The following SLC35F3 variants were observed in gnomAD, a reference collection of about 807,000 sequenced individuals.
SLC35F3 encodes the protein putative thiamine transporter SLC35F3.
Under a neutral mutation model 49.9 loss-of-function variants are expected in SLC35F3, and 25 were observed. The observed-to-expected ratio is 0.50, with a 90% CI of 0.37 to 0.70. The LOEUF (loss-of-function observed/expected upper bound fraction) is 0.70, where lower values mean the gene tolerates loss of function less well. Ranked by LOEUF, SLC35F3 falls within the 30% of genes least tolerant of loss-of-function variation. SLC35F3 has a pLI of 0.00. For missense variants in SLC35F3, 525 were observed against 639.8 expected, an observed-to-expected ratio of 0.82 and a Z score of 1.94; for synonymous variants, 275 against 265.4, an observed-to-expected ratio of 1.04 and a Z score of -0.35.
chr1:233,955,492 C>T (rs145166114), intron 2 of SLC35F3, among the ~76,000 whole-genome samples: 56 of 152,260 alleles, frequency 3.7e-4, no homozygotes, highest in African/African-American at 1.1e-3. Context: ...GTGGACACTT[C>T]GGTTGCTCCT....
intron 2 of SLC35F3, among the ~76,000 whole-genome samples, chr1:233,919,943 C>A (rs1350369504): frequency 6.6e-6 from 1 of 152,124 alleles, no homozygotes; most frequent in East Asian, 1.9e-4. Context: ...CGGCCTCAGA[C>A]CACTGAGGAT....
chr1:234,008,524 C>T (rs1663665397), intron 2 of SLC35F3, among the ~76,000 whole-genome samples: 1 of 152,158 alleles, frequency 6.6e-6, no homozygotes, highest in African/African-American at 2.4e-5. Context: ...GACTGCTATA[C>T]AGTCTCCTTT....
At chr1:233,982,876 G>A (rs1663208235) in intron 2 of SLC35F3, among the ~76,000 whole-genome samples, 1 of 152,196 alleles carries the variant, frequency 6.6e-6, no homozygotes. Flanking sequence ...TTCTGAGGGA[G>A]AACTGTGGGT....
Position 234,320,127 on chromosome 1 carries a change from G to T in SLC35F3, c.1177G>T (p.Ala393Ser). The change falls in exon 7 of 8, where the codon GCC becomes TCC. Residue 393 changes from alanine to serine, a missense_variant. This residue lies in a region of SLC35F3 where 216 missense variants were observed against 298.1 expected (regional missense o/e 0.72). Transcript: ENST00000366618. The surrounding 1 kb of genome is among the most constrained non-coding windows in gnomAD (Gnocchi z 4.8). ...TFNIVLNFGI[A>S]VTYPTLMSLG... Reference sequence around the variant, plus strand: ...CAATATTGTATTAAATTTTGGAATTGCCGTTACATATCCCACTCTGATGTC... The same window carrying T: ...CAATATTGTATTAAATTTTGGAATTTCCGTTACATATCCCACTCTGATGTC... 1 of 1,613,272 alleles carries T rather than the reference G, an allele frequency of 6.2e-7. No individual in the cohort carries two copies. Among genetic ancestry groups the T allele is most frequent in the Non-Finnish European group, 8.5e-7 (1 of 1,179,256 alleles).
At chr1:234,297,239 T>C (rs1668617695) in intron 3 of SLC35F3, among the ~76,000 whole-genome samples, 1 of 152,316 alleles carries the variant, frequency 6.6e-6, no homozygotes, top group East Asian at 1.9e-4. Flanking sequence ...GAAAACAGTA[T>C]GGAGATACCT....
intron 2 of SLC35F3, among the ~76,000 whole-genome samples, chr1:234,183,127 A>C (rs1666586966): frequency 7.0e-6 from 1 of 142,794 alleles, no homozygotes; most frequent in African/African-American, 2.4e-5. Flanking sequence ...AGCAATTCTC[A>C]TGCCTCAGCC....
At chr1:234,006,233 A>C (rs1197829119) in intron 2 of SLC35F3, among the ~76,000 whole-genome samples, 1 of 152,210 alleles carries the variant, frequency 6.6e-6, no homozygotes, top group Non-Finnish European at 1.5e-5. Context: ...ATAAATGGCT[A>C]GTTCATATTT....
intron 2 of SLC35F3, among the ~76,000 whole-genome samples, chr1:234,192,730 A>C (rs1666749553): frequency 7.6e-6 from 1 of 132,390 alleles, no homozygotes; most frequent in Non-Finnish European, 1.5e-5. Context: ...AGAACTGTTA[A>C]ATAAATTCAG....
chr1:234,020,346 A>G (rs966933430), intron 2 of SLC35F3, among the ~76,000 whole-genome samples: 2 of 152,186 alleles, frequency 1.3e-5, no homozygotes, highest in African/African-American at 4.8e-5. Flanking sequence ...TATTTCTGTC[A>G]TAACAAAATT....
At chr1:234,307,944 C>T (rs1216423393) in intron 3 of SLC35F3, among the ~76,000 whole-genome samples, 4 of 152,210 alleles carry the variant, frequency 2.6e-5, no homozygotes, top group Non-Finnish European at 1.5e-5. Context: ...GAGCTCCCCA[C>T]GGCCTCCTCT....
chr1:234,182,336 G>A (rs1254700858), intron 2 of SLC35F3, among the ~76,000 whole-genome samples: 1 of 152,142 alleles, frequency 6.6e-6, no homozygotes, highest in Non-Finnish European at 1.5e-5. Flanking sequence ...ACATGTTCTG[G>A]AATCCATCTT....
intron 2 of SLC35F3, among the ~76,000 whole-genome samples, chr1:234,228,959 T>G (rs1667328211): frequency 6.6e-6 from 1 of 152,130 alleles, no homozygotes; most frequent in African/African-American, 2.4e-5. Flanking sequence ...GATGAGTGAT[T>G]ATTATTATTA....
intron 2 of SLC35F3, among the ~76,000 whole-genome samples, chr1:234,226,108 T>G (rs552952075): frequency 6.6e-6 from 1 of 152,334 alleles, no homozygotes; most frequent in Non-Finnish European, 1.5e-5. Context: ...GTTTCACAAT[T>G]CAAATTTGCT....
chr1:233,996,851 T>C (rs1663469234), intron 2 of SLC35F3, among the ~76,000 whole-genome samples: 1 of 152,186 alleles, frequency 6.6e-6, no homozygotes. Flanking sequence ...TTCAGAGGCT[T>C]GCTGAAATTT....
At chr1:234,139,323 T>C (rs915606595) in intron 2 of SLC35F3, among the ~76,000 whole-genome samples, 8 of 152,224 alleles carry the variant, frequency 5.3e-5, no homozygotes, top group African/African-American at 1.9e-4. Context: ...CTGATATCTC[T>C]TCCAGGACAT....
At chr1:234,309,813 A>G (rs960365473) in intron 4 of SLC35F3, among the ~76,000 whole-genome samples, 3 of 152,248 alleles carry the variant, frequency 2.0e-5, no homozygotes, top group Admixed American at 6.5e-5. Context: ...GGCCTTGTGT[A>G]CACAGCCAGA....
chr1:234,289,757 T>G (rs1288431133), intron 3 of SLC35F3, among the ~76,000 whole-genome samples: 1 of 152,178 alleles, frequency 6.6e-6, no homozygotes, highest in African/African-American at 2.4e-5. Context: ...AACTGTCCCA[T>G]GGGAACATCT....
At chr1:234,314,255 C>A (rs570828665) in intron 4 of SLC35F3, among the ~76,000 whole-genome samples, 1 of 148,314 alleles carries the variant, frequency 6.7e-6, no homozygotes, top group East Asian at 1.9e-4. Context: ...ACCGTGCTCT[C>A]ATTTCCTACC....
At chr1:234,311,190 C>T (rs918780723) in intron 4 of SLC35F3, among the ~76,000 whole-genome samples, 4 of 152,190 alleles carry the variant, frequency 2.6e-5, no homozygotes, top group Admixed American at 2.6e-4. Flanking sequence ...GAGCTTCCTC[C>T]CACAGGTTGT....
Sources: allele counts gnomAD v4.1 joint callset (sites outside exome capture counted in the v4.1 genomes callset), GRCh38; gene constraint gnomAD v4.1.1; regional missense constraint gnomAD v4.1.1; non-coding constraint Gnocchi (gnomAD v3.1); transcripts MANE v1.5; gene names NCBI Gene and HGNC (gene_info 2026-07-23, HGNC 2026-07-21).